Variants in MBD2 observed in about 807,000 individuals in gnomAD.
MBD2 encodes methyl-CpG binding domain protein 2, also known as methyl-CpG-binding domain protein 2.
MBD2 carries 9 observed loss-of-function variants against 39.3 expected under a neutral mutation model. The observed-to-expected ratio is 0.23, with a 90% CI of 0.14 to 0.40. The LOEUF (loss-of-function observed/expected upper bound fraction) is 0.40, where lower values mean the gene tolerates loss of function less well. Ranked by LOEUF, MBD2 falls within the 10% of genes least tolerant of loss-of-function variation. The pLI is 1.00. For missense variants in MBD2, 458 were observed against 532.6 expected, an observed-to-expected ratio of 0.86 and a Z score of 1.38; for synonymous variants, 233 against 211.1, an observed-to-expected ratio of 1.10 and a Z score of -0.90.
intron 3 of MBD2, among the ~76,000 whole-genome samples, chr18:54,184,678 A>G (rs2086272733): frequency 6.6e-6 from 1 of 152,230 alleles, no homozygotes; most frequent in Admixed American, 6.5e-5. Flanking sequence ...AATATTTTTT[A>G]CATTTTAAAA....
intron 6 of MBD2, among the ~76,000 whole-genome samples, chr18:54,157,579 T>A (rs912791596): frequency 1.3e-5 from 2 of 152,158 alleles, no homozygotes; most frequent in Non-Finnish European, 1.5e-5. Flanking sequence ...TTCTGTATGG[T>A]CAGGAAACTG....
chr18:54,190,253 G>GA (rs201109306), intron 2 of MBD2, among the ~76,000 whole-genome samples: 108 of 151,550 alleles, frequency 7.1e-4, no homozygotes, highest in South Asian at 5.0e-3. Flanking sequence ...ATAACGATGA[G>GA]AAAAAAAAAT....
rs756585233 is a variant in MBD2, at chr18:54,224,214, TGCC to T, written c.343_345del (p.Gly115del). On this transcript the variant is annotated inframe_deletion, in exon 1 of 7. Coordinates refer to ENST00000256429, the MANE Select transcript of MBD2 (RefSeq NM_003927.5). ...CGCCGGGGGGCGCCGCCGCCACCGC[TGCC>T]GCCGCCGCCGCAGCCGCCGCCGTCG... 166 of 1,120,466 alleles carry T rather than the reference TGCC, an allele frequency of 1.5e-4. No individual in the cohort carries two copies. Among genetic ancestry groups the T allele is most frequent in the Middle Eastern group, 6.9e-4 (2 of 2,904 alleles). The allele number at this position is 1,120,466 out of a possible 1,614,324, so 69.4% of individuals were successfully genotyped here. A position where few individuals can be genotyped will look rare whatever the true frequency, so the allele number is the denominator to read the frequency against.
chr18:54,158,118 T>C (rs2086067217), intron 6 of MBD2, among the ~76,000 whole-genome samples: 1 of 152,262 alleles, frequency 6.6e-6, no homozygotes. Context: ...ATTTTCATGA[T>C]CAATCTCAAG....
Position 54,224,425 on chromosome 18 carries a change from C to G in MBD2, c.135G>C (p.Pro45=). ...GGQGSALAPS[P]VSGVRREGAR... is the part of the protein sequence containing the mutation. ...CGCCTTCCCTGCGCACGCCGCTCACCGGGGACGGGGCGAGCGCGCTGCCCT... is the reference window on the plus strand; with the variant it reads ...CGCCTTCCCTGCGCACGCCGCTCACGGGGGACGGGGCGAGCGCGCTGCCCT... The change falls in exon 1 of 7, where the codon CCG becomes CCC. Residue 45 remains proline, a synonymous_variant. Coordinates refer to ENST00000256429, the MANE Select transcript of MBD2 (RefSeq NM_003927.5). 10 of 1,241,862 alleles carry G rather than the reference C, an allele frequency of 8.1e-6. No individual in the cohort carries two copies. Among genetic ancestry groups the G allele is most frequent in the Non-Finnish European group, 1.0e-5 (10 of 995,876 alleles). 76.9% of individuals were successfully genotyped at this position (1,241,862 alleles called of 1,614,324 possible). A position where few individuals can be genotyped will look rare whatever the true frequency, so the allele number is the denominator to read the frequency against.
chr18:54,180,351 G>C (rs1265994430), intron 3 of MBD2, among the ~76,000 whole-genome samples: 1 of 152,028 alleles, frequency 6.6e-6, no homozygotes, highest in African/African-American at 2.4e-5. Context: ...AATTATATTA[G>C]AAAACCTAAC....
intron 2 of MBD2, among the ~76,000 whole-genome samples, chr18:54,194,726 G>A (rs1216417295): frequency 6.6e-6 from 1 of 151,960 alleles, no homozygotes; most frequent in South Asian, 2.1e-4. Flanking sequence ...TTAATGAGTA[G>A]ATAGAATGAA....
At chr18:54,175,779 A>G (rs545882524) in intron 3 of MBD2, among the ~76,000 whole-genome samples, 1 of 152,072 alleles carries the variant, frequency 6.6e-6, no homozygotes, top group East Asian at 1.9e-4. Context: ...ACCAAATCCA[A>G]TTCCTAGCTC....
chr18:54,224,426 G>C lies in MBD2; in HGVS notation c.134C>G (p.Pro45Arg), dbSNP rs1157919705. 32 of 1,240,920 alleles carry C rather than the reference G, an allele frequency of 2.6e-5. No homozygotes were observed. Among genetic ancestry groups the C allele is most frequent in the Non-Finnish European group, 2.7e-5 (27 of 995,524 alleles). The allele number at this position is 1,240,920 out of a possible 1,614,324, so 76.9% of individuals were successfully genotyped here. A position where few individuals can be genotyped will look rare whatever the true frequency, so the allele number is the denominator to read the frequency against. Reference protein sequence around the residue: ...GGQGSALAPSPVSGVRREGAR... With the variant: ...GGQGSALAPSRVSGVRREGAR... ...GCCTTCCCTGCGCACGCCGCTCACC[G>C]GGGACGGGGCGAGCGCGCTGCCCTG... Residue 45 changes from proline to arginine, a missense_variant, in exon 1 of 7, where the codon CCG becomes CGG. Coordinates refer to ENST00000256429, the MANE Select transcript of MBD2 (RefSeq NM_003927.5).
chr18:54,220,027 T>C (rs1249210266), intron 1 of MBD2, among the ~76,000 whole-genome samples: 1 of 152,132 alleles, frequency 6.6e-6, no homozygotes, highest in African/African-American at 2.4e-5. Flanking sequence ...GGTCTCGATC[T>C]CCTGACCTCG....
chr18:54,155,134 A>G lies in MBD2; in HGVS notation c.*190T>C, dbSNP rs1038217781. The G allele has an allele frequency of 7.2e-5, 11 of 152,580 alleles. No homozygotes were observed. Among genetic ancestry groups the G allele is most frequent in the Non-Finnish European group, 1.5e-4 (10 of 68,020 alleles). The allele number at this position is 152,580 out of a possible 1,614,324, so 9.5% of individuals were successfully genotyped here. A position where few individuals can be genotyped will look rare whatever the true frequency, so the allele number is the denominator to read the frequency against. ...TTAAGTCCTAGGACTCAAAATAAAC[A>G]TGATTTTTTGAATAATAGATATATA... is the stretch of plus-strand genomic sequence containing the variant. On this transcript the variant is annotated 3_prime_UTR_variant, in exon 7 of 7. Transcript: ENST00000256429.
At chr18:54,158,658 C>G (rs1321683879) in intron 6 of MBD2, among the ~76,000 whole-genome samples, 1 of 152,130 alleles carries the variant, frequency 6.6e-6, no homozygotes, top group Non-Finnish European at 1.5e-5. Context: ...GAGTCTTACT[C>G]CATCCCAGGC....
intron 3 of MBD2, among the ~76,000 whole-genome samples, chr18:54,183,266 C>T (rs997748867): frequency 1.3e-5 from 2 of 152,152 alleles, no homozygotes; most frequent in Admixed American, 6.5e-5. Context: ...TTGACACAAA[C>T]GACTGAAGCT....
chr18:54,168,075 G>GTATA (rs765639892), intron 3 of MBD2, among the ~76,000 whole-genome samples: 1 of 149,660 alleles, frequency 6.7e-6, no homozygotes, highest in South Asian at 2.1e-4. Context: ...ATATATATGT[G>GTATA]TATATATATA....
chr18:54,168,393 T>A (rs1599078261), intron 3 of MBD2, among the ~76,000 whole-genome samples: 1 of 147,832 alleles, frequency 6.8e-6, no homozygotes, highest in Non-Finnish European at 1.5e-5. Context: ...TACCACCACA[T>A]GTCATCTGAT....
At chr18:54,213,086 G>T (rs1281290486) in intron 1 of MBD2, among the ~76,000 whole-genome samples, 2 of 39,810 alleles carry the variant, frequency 5.0e-5, no homozygotes, top group Non-Finnish European at 1.3e-4. Flanking sequence ...TTATGGGGGC[G>T]GGGGGGGGGA....
At chr18:54,212,414 T>A (rs949070199) in intron 1 of MBD2, among the ~76,000 whole-genome samples, 3 of 152,216 alleles carry the variant, frequency 2.0e-5, no homozygotes, top group Non-Finnish European at 2.9e-5. Context: ...CACTGAGTTC[T>A]GCACTGGTAG....
At chr18:54,167,942 A>G (rs2086146805) in intron 3 of MBD2, among the ~76,000 whole-genome samples, 1 of 150,232 alleles carries the variant, frequency 6.7e-6, no homozygotes, top group South Asian at 2.1e-4. Context: ...TGAATATCAC[A>G]GCTATAGAAA....
At chr18:54,191,022 T>C (rs1365543959) in intron 2 of MBD2, among the ~76,000 whole-genome samples, 1 of 152,196 alleles carries the variant, frequency 6.6e-6, no homozygotes, top group Non-Finnish European at 1.5e-5. Flanking sequence ...AAGTAACATA[T>C]ACCTGAAAAC....
Sources: gnomAD v4.1 joint callset for allele counts (sites outside exome capture counted in the v4.1 genomes callset) on GRCh38, gnomAD v4.1.1 for gene constraint, MANE v1.5 for transcripts, NCBI Gene and HGNC (gene_info 2026-07-23, HGNC 2026-07-21) for gene names.